The following SMYD3 variants were observed in gnomAD, a reference collection of about 807,000 sequenced individuals.
The protein encoded by SMYD3 is histone-lysine N-methyltransferase SMYD3.
SMYD3 carries 36 observed loss-of-function variants against 57.7 expected under a neutral mutation model. The ratio of observed to expected loss-of-function variants is 0.62; its 90% confidence interval spans 0.48 to 0.82. The LOEUF is 0.82. SMYD3 is among the 40% of genes least tolerant of loss of function. SMYD3 has a pLI of 0.00. For missense variants in SMYD3, 515 were observed against 538.8 expected, an observed-to-expected ratio of 0.96 and a Z score of 0.44; for synonymous variants, 211 against 195.0, an observed-to-expected ratio of 1.08 and a Z score of -0.68.
chr1:245,891,983 T>G (rs751814674), intron 8 of SMYD3, among the ~76,000 whole-genome samples: 3 of 152,046 alleles, frequency 2.0e-5, no homozygotes, highest in Non-Finnish European at 4.4e-5. Context: ...GAGTGAGCCA[T>G]GAACACACCA....
intron 5 of SMYD3, among the ~76,000 whole-genome samples, chr1:245,986,541 C>T (rs1453351337): frequency 6.6e-6 from 1 of 152,220 alleles, no homozygotes; most frequent in South Asian, 2.1e-4. Context: ...AACAAAATTA[C>T]ATAACATTTT....
intron 5 of SMYD3, among the ~76,000 whole-genome samples, chr1:246,002,727 C>T (rs1290502457): frequency 6.6e-6 from 1 of 152,182 alleles, no homozygotes; most frequent in South Asian, 2.1e-4. Context: ...GCTGGGATGA[C>T]AGGCGCCCGC....
At chr1:245,797,134 G>A (rs1173671803) in intron 10 of SMYD3, among the ~76,000 whole-genome samples, 2 of 152,224 alleles carry the variant, frequency 1.3e-5, no homozygotes, top group South Asian at 2.1e-4. Context: ...AGAATATGAG[G>A]GGATTTGGTG....
rs572735284 is a variant in SMYD3, at chr1:246,294,284, T to C, written c.531+32917A>G. On this transcript the variant is annotated intron_variant, in intron 5 of 11. Coordinates refer to ENST00000490107, the MANE Select transcript of SMYD3 (RefSeq NM_001167740.2). ...GGTCAGATGAAAGCCTGATGAATGA[T>C]AGACAATTACAGAAGCAACCAGGGC... is the stretch of plus-strand genomic sequence containing the variant. 1.4e-4 allele frequency among the ~76,000 whole-genome samples: 21 copies of C among 152,322 alleles called. No individual in the cohort carries two copies. In the South Asian group the frequency reaches 2.5e-3, roughly 18 times the overall value.
At chr1:246,324,928 G>A (rs1414285344) in intron 5 of SMYD3, among the ~76,000 whole-genome samples, 1 of 147,642 alleles carries the variant, frequency 6.8e-6, no homozygotes, top group African/African-American at 2.5e-5. Flanking sequence ...CCTGAAAGCT[G>A]CAGGATCTAT....
chr1:246,390,637 TAAC>T (rs1450175652), intron 1 of SMYD3, among the ~76,000 whole-genome samples: 12 of 152,220 alleles, frequency 7.9e-5, no homozygotes, highest in Non-Finnish European at 1.8e-4. Flanking sequence ...CATGAAACTT[TAAC>T]AACATATTTT....
intron 5 of SMYD3, among the ~76,000 whole-genome samples, chr1:246,046,350 TC>T (rs2059963758): frequency 2.0e-5 from 3 of 152,146 alleles, no homozygotes; most frequent in South Asian, 4.2e-4. Context: ...CTGGAAACCA[TC>T]ATTCTCAGCA....
chr1:246,447,970 C>T lies in SMYD3; in HGVS notation c.164+59084G>A, dbSNP rs115757834. ...TCCTCTCTACATATGTGTATCTGTA[C>T]GTTCTTTTGCTCATCCATTTGAAAA... On this transcript the variant is annotated intron_variant, in intron 1 of 11. Coordinates refer to ENST00000490107, the MANE Select transcript of SMYD3 (RefSeq NM_001167740.2). Among the ~76,000 whole-genome samples the T allele has an allele frequency of 8.1e-3, 1,235 of 152,326 alleles. 7 individuals carry two copies. The highest frequency in any genetic ancestry group is 0.012 in the Non-Finnish European group (843 of 68,032).
chr1:245,846,666 A>G (rs2050680092), intron 10 of SMYD3, among the ~76,000 whole-genome samples: 1 of 152,238 alleles, frequency 6.6e-6, no homozygotes, highest in Non-Finnish European at 1.5e-5. Context: ...TAGAAGGACA[A>G]GCAAGTTGCT....
chr1:246,186,878 G>C (rs1347465659), intron 5 of SMYD3: 7 of 985,338 alleles, frequency 7.1e-6, no homozygotes, highest in Non-Finnish European at 8.4e-6. Flanking sequence ...CCTCGCAGGA[G>C]AATGTCTCTG....
At chr1:246,455,693 T>C (rs1269958671) in intron 1 of SMYD3, among the ~76,000 whole-genome samples, 1 of 152,224 alleles carries the variant, frequency 6.6e-6, no homozygotes, top group African/African-American at 2.4e-5. Context: ...TTCATTAACT[T>C]TGAGAGCAAT....
chr1:246,506,279 G>C (rs974982585), intron 1 of SMYD3, among the ~76,000 whole-genome samples: 1 of 152,088 alleles, frequency 6.6e-6, no homozygotes, highest in Non-Finnish European at 1.5e-5. Context: ...CTTTCACATA[G>C]CACTTTACAC....
intron 5 of SMYD3, among the ~76,000 whole-genome samples, chr1:246,267,152 TA>T (rs2064125462): frequency 6.6e-6 from 1 of 152,184 alleles, no homozygotes; most frequent in Non-Finnish European, 1.5e-5. Context: ...AGCAATATTA[TA>T]ATAAATGTGC....
intron 5 of SMYD3, among the ~76,000 whole-genome samples, chr1:246,098,066 A>G (rs1036359527): frequency 7.9e-5 from 12 of 152,156 alleles, no homozygotes; most frequent in Admixed American, 1.3e-4. Flanking sequence ...TGATTTTTAT[A>G]TTTTATTTCC....
In SMYD3 at chr1:245,764,242, G is replaced by A. The variant is rs927520103; in HGVS notation, c.1077-93C>T. 2.8e-5 allele frequency: 22 copies of A among 797,588 alleles called. No homozygotes were observed. The African/African-American group carries it at 3.7e-4, about 14-fold the overall frequency. The allele number at this position is 797,588 out of a possible 1,614,324, so 49.4% of individuals were successfully genotyped here. ...ACTACGAAAGTGGAAGCAGACACTA[G>A]CTGTGAATGTTAATGAGCTACTGAA... On this transcript the variant is annotated intron_variant, in intron 10 of 11. Coordinates refer to ENST00000490107, the MANE Select transcript of SMYD3 (RefSeq NM_001167740.2).
intron 5 of SMYD3, chr1:246,322,517 C>T (rs939962201): frequency 8.6e-5 from 13 of 151,830 alleles, no homozygotes; most frequent in Admixed American, 7.9e-4. Context: ...GAAAAAGAGC[C>T]AGCAGAGATG....
intron 8 of SMYD3, among the ~76,000 whole-genome samples, chr1:245,875,070 C>T (rs1302710710): frequency 6.6e-6 from 1 of 152,228 alleles, no homozygotes; most frequent in African/African-American, 2.4e-5. Context: ...CACGGCGAGC[C>T]GCTTCCTGGC....
chr1:246,342,522 A>C (rs561430714), intron 2 of SMYD3, among the ~76,000 whole-genome samples: 1 of 152,348 alleles, frequency 6.6e-6, no homozygotes, highest in South Asian at 2.1e-4. Context: ...AAGGCTAAGC[A>C]GGTTGTCTAA....
At chr1:246,064,296 GC>G (rs2060304810) in intron 5 of SMYD3, among the ~76,000 whole-genome samples, 1 of 152,130 alleles carries the variant, frequency 6.6e-6, no homozygotes, top group Non-Finnish European at 1.5e-5. Context: ...TTTCTGATGT[GC>G]CCAAGTTTTC....
Sources: allele counts gnomAD v4.1 joint callset (sites outside exome capture counted in the v4.1 genomes callset), GRCh38; gene constraint gnomAD v4.1.1; transcripts MANE v1.5; gene names NCBI Gene and HGNC (gene_info 2026-07-23, HGNC 2026-07-21).